MEGF11: variants seen among roughly 807,000 people sequenced by gnomAD.
MEGF11 encodes the protein multiple epidermal growth factor-like domains protein 11.
In MEGF11, 126 loss-of-function variants were observed where a neutral mutation model predicts 146.6. The ratio of observed to expected loss-of-function variants is 0.86; its 90% CI spans 0.74 to 1.00. The LOEUF (loss-of-function observed/expected upper bound fraction) is 1.00. Among genes scored for constraint, MEGF11 ranks in the 50% least tolerant of loss-of-function variants. MEGF11 has a pLI of 0.00. For synonymous variants in MEGF11, 532 were observed against 583.4 expected (o/e 0.91, Z 1.27); for missense variants, 1,509 against 1,521.2 (o/e 0.99, Z 0.13).
intron 1 of MEGF11, among the ~76,000 whole-genome samples, chr15:66,200,822 G>A (rs1343228417): frequency 6.6e-6 from 1 of 152,118 alleles, no homozygotes; most frequent in Non-Finnish European, 1.5e-5. Context: ...GTAGGGGTTG[G>A]TGAATCGCCT....
intron 5 of MEGF11, among the ~76,000 whole-genome samples, chr15:65,992,125 A>G (rs1280954681): frequency 1.3e-5 from 2 of 152,212 alleles, no homozygotes; most frequent in South Asian, 2.1e-4. Context: ...GGTACATTCA[A>G]TGCCCTGAGC....
At chr15:66,251,458 C>T (rs2092369837) in intron 1 of MEGF11, among the ~76,000 whole-genome samples, 1 of 152,228 alleles carries the variant, frequency 6.6e-6, no homozygotes, top group Non-Finnish European at 1.5e-5. Context: ...TGTGTGCGGG[C>T]TCCATTTACC....
intron 4 of MEGF11, among the ~76,000 whole-genome samples, chr15:66,098,337 C>T (rs1472505948): frequency 6.6e-6 from 1 of 152,148 alleles, no homozygotes; most frequent in Non-Finnish European, 1.5e-5. Context: ...TCATGGAAGC[C>T]CTCTGAATCA....
chr15:66,105,170 A>G (rs1456901389), intron 4 of MEGF11, among the ~76,000 whole-genome samples: 1 of 152,160 alleles, frequency 6.6e-6, no homozygotes. Flanking sequence ...TGATTAGGAA[A>G]AACAAGGGCG....
At chr15:66,212,572 G>A (rs1346131871) in intron 1 of MEGF11, among the ~76,000 whole-genome samples, 1 of 152,238 alleles carries the variant, frequency 6.6e-6, no homozygotes, top group East Asian at 1.9e-4. Context: ...CAGGATCCCA[G>A]TAGTGAAGGT....
chr15:66,234,415 A>G (rs1194187785), intron 1 of MEGF11, among the ~76,000 whole-genome samples: 3 of 152,374 alleles, frequency 2.0e-5, no homozygotes, highest in East Asian at 3.9e-4. Flanking sequence ...TCCTCTGGCT[A>G]TAGACTCAAA....
At chr15:66,171,837 C>A (rs2090265540) in intron 1 of MEGF11, among the ~76,000 whole-genome samples, 1 of 151,962 alleles carries the variant, frequency 6.6e-6, no homozygotes, top group South Asian at 2.1e-4. Flanking sequence ...ACAAGGTCAT[C>A]ATTACCCACT....
At chr15:65,938,606 G>A (rs1226057774) in intron 10 of MEGF11, among the ~76,000 whole-genome samples, 2 of 152,194 alleles carry the variant, frequency 1.3e-5, no homozygotes, top group African/African-American at 4.8e-5. Context: ...GGGGATGCCT[G>A]CCAGTCCTGT....
chr15:66,111,834 A>T (rs1456772248), intron 4 of MEGF11, among the ~76,000 whole-genome samples: 10 of 152,312 alleles, frequency 6.6e-5, no homozygotes, highest in African/African-American at 2.2e-4. Flanking sequence ...GAATATACTA[A>T]ATGCCACTGA....
At chr15:66,117,506 G>A (rs531315333) in intron 4 of MEGF11, among the ~76,000 whole-genome samples, 6 of 152,218 alleles carry the variant, frequency 3.9e-5, no homozygotes, top group South Asian at 4.1e-4. Context: ...CTTTGCCACC[G>A]TTCACTAATG....
chr15:65,933,055 C>T (rs1428181843), intron 10 of MEGF11, among the ~76,000 whole-genome samples: 1 of 152,120 alleles, frequency 6.6e-6, no homozygotes, highest in Non-Finnish European at 1.5e-5. Flanking sequence ...ACAGAGAGAA[C>T]CGAGGGTGTG....
At chr15:66,034,285 T>C (rs1203141983) in intron 5 of MEGF11, among the ~76,000 whole-genome samples, 1 of 152,230 alleles carries the variant, frequency 6.6e-6, no homozygotes, top group African/African-American at 2.4e-5. Flanking sequence ...GACTCTGGAC[T>C]TTGGACTTCT....
intron 5 of MEGF11, among the ~76,000 whole-genome samples, chr15:66,039,380 A>C (rs1390400086): frequency 6.6e-6 from 1 of 152,156 alleles, no homozygotes; most frequent in Non-Finnish European, 1.5e-5. Context: ...ATCTCAGCCT[A>C]ACTTCAGCCT....
intron 5 of MEGF11, among the ~76,000 whole-genome samples, chr15:66,021,363 T>C (rs1347222123): frequency 6.6e-6 from 1 of 152,246 alleles, no homozygotes; most frequent in African/African-American, 2.4e-5. Flanking sequence ...CCAGCCCTAG[T>C]ATCTTTTATA....
In MEGF11 at chr15:66,052,227, C is replaced by G. The variant is rs142328575; in HGVS notation, c.394+42175G>C. On this transcript the variant is annotated intron_variant, in intron 5 of 25. Coordinates refer to ENST00000395614, the MANE Select transcript of MEGF11 (RefSeq NM_001385028.1). ...CGGGCTCATCACTCCTCATTGCTCT[C>G]CAGGTGGGGCTGTGCTGGGGGTGGG... 2.0e-3 allele frequency among the ~76,000 whole-genome samples: 299 copies of G among 152,282 alleles called. 1 individual carries two copies. Among genetic ancestry groups the G allele is most frequent in the African/African-American group, 6.4e-3 (267 of 41,566 alleles).
At chr15:65,948,314 G>T (rs938778274) in intron 10 of MEGF11, among the ~76,000 whole-genome samples, 3 of 148,746 alleles carry the variant, frequency 2.0e-5, no homozygotes, top group Non-Finnish European at 3.0e-5. Flanking sequence ...TTCTGACCTT[G>T]TTTTTTTTTT....
intron 7 of MEGF11, among the ~76,000 whole-genome samples, chr15:65,976,337 G>A (rs909319677): frequency 1.3e-5 from 2 of 152,126 alleles, no homozygotes; most frequent in African/African-American, 2.4e-5. Context: ...CACCACGCCC[G>A]GCCAACATTC....
At chr15:66,219,097 T>C (rs991051727) in intron 1 of MEGF11, among the ~76,000 whole-genome samples, 3 of 151,376 alleles carry the variant, frequency 2.0e-5, no homozygotes, top group Non-Finnish European at 4.4e-5. Flanking sequence ...AAATGGACGG[T>C]CTTAAATGTA....
intron 5 of MEGF11, among the ~76,000 whole-genome samples, chr15:66,035,953 C>T (rs1239462533): frequency 1.3e-5 from 2 of 152,246 alleles, no homozygotes; most frequent in African/African-American, 4.8e-5. Flanking sequence ...CCTCAGCCCA[C>T]CTGCTTTCAG....
Sources: gnomAD v4.1 joint callset for allele counts (sites outside exome capture counted in the v4.1 genomes callset) on GRCh38, gnomAD v4.1.1 for gene constraint, MANE v1.5 for transcripts, NCBI Gene and HGNC (gene_info 2026-07-23, HGNC 2026-07-21) for gene names.